The following CHODL variants were observed in gnomAD, a reference collection of about 807,000 sequenced individuals.
CHODL encodes chondrolectin.
A neutral mutation model predicts 34.5 loss-of-function variants in CHODL; 29 were observed. The ratio of observed to expected loss-of-function variants is 0.84; its 90% confidence interval spans 0.63 to 1.15. CHODL has a LOEUF of 1.15. CHODL is among the 50% of genes most tolerant of loss of function. The pLI is 0.00. For synonymous variants in CHODL, 125 were observed against 116.1 expected, an observed-to-expected ratio of 1.08 and a Z score of -0.49; for missense variants, 332 against 332.5, an observed-to-expected ratio of 1.00 and a Z score of 0.01.
At chr21:18,005,882 A>T (rs1469761376) in intron 1 of CHODL, among the ~76,000 whole-genome samples, 1 of 152,140 alleles carries the variant, frequency 6.6e-6, no homozygotes, top group African/African-American at 2.4e-5. Context: ...GCTGGGTGAT[A>T]TGGTTTGGCT....
chr21:18,221,978 G>A (rs1035093245), intron 2 of CHODL, among the ~76,000 whole-genome samples: 1 of 152,212 alleles, frequency 6.6e-6, no homozygotes, highest in Admixed American at 6.5e-5. Context: ...TGGCAGTGGG[G>A]GAGTGGGGTT....
At chr21:18,010,052 A>G (rs991447441) in intron 1 of CHODL, among the ~76,000 whole-genome samples, 2 of 145,884 alleles carry the variant, frequency 1.4e-5, no homozygotes, top group African/African-American at 5.1e-5. Context: ...AGAATTATTA[A>G]AAAGAAAACT....
At chr21:18,061,564 T>G (rs1276309582) in intron 2 of CHODL, among the ~76,000 whole-genome samples, 1 of 151,466 alleles carries the variant, frequency 6.6e-6, no homozygotes, top group Non-Finnish European at 1.5e-5. Flanking sequence ...ACAATCAAAC[T>G]CAAAATAGCA....
At chr21:18,241,914 G>T (rs1000674435), upstream of CHODL, among the ~76,000 whole-genome samples, 2 of 152,008 alleles carry the variant, frequency 1.3e-5, no homozygotes, top group African/African-American at 4.8e-5. Flanking sequence ...TCTATTTGGG[G>T]GCTTGAAGAA....
chr21:18,161,238 C>A (rs2073091930), intron 2 of CHODL, among the ~76,000 whole-genome samples: 1 of 151,992 alleles, frequency 6.6e-6, no homozygotes, highest in South Asian at 2.1e-4. Flanking sequence ...AAAACACATA[C>A]CCTGTCTTTG....
chr21:18,238,392 A>G (rs894808224), intron 2 of CHODL, among the ~76,000 whole-genome samples: 3 of 152,226 alleles, frequency 2.0e-5, no homozygotes, highest in African/African-American at 4.8e-5. Context: ...GAAAATGAGA[A>G]AGATGCAAAA....
chr21:18,213,440 T>C (rs914106012), intron 2 of CHODL, among the ~76,000 whole-genome samples: 1 of 152,104 alleles, frequency 6.6e-6, no homozygotes, highest in African/African-American at 2.4e-5. Flanking sequence ...CAGTTCTGTT[T>C]TGCCTGTGTT....
chr21:18,023,868 T>G (rs538361895), intron 1 of CHODL, among the ~76,000 whole-genome samples: 1 of 152,286 alleles, frequency 6.6e-6, no homozygotes, highest in South Asian at 2.1e-4. Context: ...CTATGGAATA[T>G]AAACGCTTCT....
At chr21:18,092,376 G>A (rs113037622) in intron 2 of CHODL, among the ~76,000 whole-genome samples, 6,697 of 152,192 alleles carry the variant, frequency 0.044, 491 homozygotes, top group African/African-American at 0.15. Context: ...AACAAGCCCC[G>A]ACTGTGAAGA....
chr21:18,248,056 C>T (rs557419357), intron 1 of CHODL, among the ~76,000 whole-genome samples: 1 of 151,290 alleles, frequency 6.6e-6, no homozygotes, highest in South Asian at 2.1e-4. Flanking sequence ...GCAGTGATCC[C>T]CAACCTATTT....
chr21:18,001,773 CT>C (rs59908803), intron 1 of CHODL, among the ~76,000 whole-genome samples: 3,325 of 124,110 alleles, frequency 0.027, 113 homozygotes, highest in African/African-American at 0.08. Context: ...GCCTCATCCT[CT>C]TTTTTTTTTT....
At chr21:18,058,633 A>G (rs183874076) in intron 2 of CHODL, among the ~76,000 whole-genome samples, 1 of 151,990 alleles carries the variant, frequency 6.6e-6, no homozygotes, top group South Asian at 2.1e-4. Context: ...TGTGGGAGAA[A>G]AAAGTTGAAC....
In CHODL at chr21:18,003,369, AAAT is replaced by A. The variant is rs2063929213; in HGVS notation, c.-144-24495_-144-24493del. Among the ~76,000 whole-genome samples, 5 of 138,550 alleles carry A rather than the reference AAAT, an allele frequency of 3.6e-5. No individual in the cohort carries two copies. In the Admixed American group the frequency reaches 3.7e-4, roughly 10 times the overall value. 90.9% of individuals were successfully genotyped at this position (138,550 alleles called of 152,430 possible). A position where few individuals can be genotyped will look rare whatever the true frequency, so the allele number is the denominator to read the frequency against. The stretch of plus-strand genomic sequence containing the variant: ...ACTGGCAGATTATAAGACTTCAGAA[AAAT>A]AATAATATATTACATTATTTTATTT... On this transcript the variant is annotated intron_variant, in intron 1 of 6. Transcript: ENST00000400127.
At chr21:18,126,472 A>G (rs1207515117) in intron 2 of CHODL, among the ~76,000 whole-genome samples, 1 of 152,186 alleles carries the variant, frequency 6.6e-6, no homozygotes, top group Non-Finnish European at 1.5e-5. Context: ...CCAAACCCAC[A>G]ATATTTTTGA....
intron 2 of CHODL, among the ~76,000 whole-genome samples, chr21:18,160,458 A>C (rs2073083207): frequency 2.0e-5 from 3 of 152,022 alleles, no homozygotes; most frequent in Admixed American, 2.0e-4. Context: ...CCTAGTACCC[A>C]TTAGTTATTT....
intron 2 of CHODL, among the ~76,000 whole-genome samples, chr21:18,118,675 G>C (rs2065442598): frequency 6.6e-6 from 1 of 152,076 alleles, no homozygotes; most frequent in African/African-American, 2.4e-5. Context: ...GAAGGAATGG[G>C]CCAGCTTCTA....
At chr21:18,004,844 A>C (rs1483139729) in intron 1 of CHODL, among the ~76,000 whole-genome samples, 1 of 144,694 alleles carries the variant, frequency 6.9e-6, no homozygotes, top group African/African-American at 2.6e-5. Flanking sequence ...AAAAAAAAAA[A>C]ACAACAACAG....
At chr21:18,066,546 T>C (rs2064734160) in intron 2 of CHODL, among the ~76,000 whole-genome samples, 1 of 152,152 alleles carries the variant, frequency 6.6e-6, no homozygotes, top group South Asian at 2.1e-4. Flanking sequence ...GAAAATCATG[T>C]AGGGAGAAAA....
intron 2 of CHODL, among the ~76,000 whole-genome samples, chr21:18,115,611 C>A (rs1244266824): frequency 6.6e-6 from 1 of 152,200 alleles, no homozygotes; most frequent in Admixed American, 6.5e-5. Context: ...TTCACCTTCT[C>A]CCATAGTGCT....
Sources: gnomAD v4.1 joint callset for allele counts (sites outside exome capture counted in the v4.1 genomes callset) on GRCh38, gnomAD v4.1.1 for gene constraint, MANE v1.5 for transcripts, NCBI Gene and HGNC (gene_info 2026-07-23, HGNC 2026-07-21) for gene names.